Variants in TRPC7 observed in about 807,000 individuals in gnomAD.
TRPC7 encodes the protein short transient receptor potential channel 7.
TRPC7 carries 42 observed loss-of-function variants against 90.1 expected under a neutral mutation model. The observed-to-expected ratio is 0.47, with a 90% CI of 0.36 to 0.60. TRPC7 has a LOEUF of 0.60. Among genes scored for constraint, TRPC7 ranks in the 20% least tolerant of loss-of-function variants. The pLI is 0.00. For synonymous variants in TRPC7, 451 were observed against 436.3 expected (o/e 1.03, Z -0.42); for missense variants, 955 against 1,112.3 (o/e 0.86, Z 2.01).
chr5:136,364,483 G>T (rs1760663440), intron 1 of TRPC7, among the ~76,000 whole-genome samples: 1 of 152,038 alleles, frequency 6.6e-6, no homozygotes, highest in South Asian at 2.1e-4. Flanking sequence ...TCAGAAATAA[G>T]ACCCACCAGC....
chr5:136,239,694 A>C (rs1000957861), intron 7 of TRPC7, among the ~76,000 whole-genome samples: 1 of 152,212 alleles, frequency 6.6e-6, no homozygotes, highest in Admixed American at 6.5e-5. Context: ...TATTCCCTGC[A>C]TGCAGCAATG....
intron 4 of TRPC7, among the ~76,000 whole-genome samples, chr5:136,268,879 G>A (rs1757119017): frequency 6.6e-6 from 1 of 152,106 alleles, no homozygotes; most frequent in African/African-American, 2.4e-5. Flanking sequence ...CTTTGATAAA[G>A]GTCAAATGAG....
At chr5:136,228,583 G>A (rs1454280004) in intron 8 of TRPC7, among the ~76,000 whole-genome samples, 1 of 151,578 alleles carries the variant, frequency 6.6e-6, no homozygotes, top group Non-Finnish European at 1.5e-5. Flanking sequence ...GAGCAGGGCA[G>A]AGCTCTCTGC....
rs10573372 is a variant in TRPC7 at position 136,339,839 on chromosome 5, G to GCAACAACAACAA, written c.780+16757_780+16768dup. On this transcript the variant is annotated intron_variant, in intron 2 of 11. Coordinates refer to ENST00000513104, the MANE Select transcript of TRPC7 (RefSeq NM_020389.3). ...TGGTGATAATTAAACTCTCTCTACTGCAACAACAACAACAACAACAACAAC... is the reference window on the plus strand; with the variant it reads ...TGGTGATAATTAAACTCTCTCTACTGCAACAACAACAACAACAACAACAACAACAACAACAAC... Among the ~76,000 whole-genome samples, 367 of 138,216 alleles carry GCAACAACAACAA rather than the reference G, an allele frequency of 2.7e-3. 2 individuals are homozygous for GCAACAACAACAA. The highest frequency in any genetic ancestry group is 8.6e-3 in the African/African-American group (346 of 40,188). 90.7% of individuals were successfully genotyped at this position (138,216 alleles called of 152,430 possible).
At chr5:136,307,187 C>T (rs995550262) in intron 3 of TRPC7, among the ~76,000 whole-genome samples, 3 of 152,158 alleles carry the variant, frequency 2.0e-5, no homozygotes, top group African/African-American at 7.2e-5. Context: ...ATATATAATA[C>T]ATTTTTATTT....
At chr5:136,290,265 A>T (rs1349685640) in intron 3 of TRPC7, among the ~76,000 whole-genome samples, 1 of 152,244 alleles carries the variant, frequency 6.6e-6, no homozygotes, top group Non-Finnish European at 1.5e-5. Flanking sequence ...GCAGCTCCTC[A>T]CCAGCAGCAG....
chr5:136,347,327 C>T (rs1454412286), intron 2 of TRPC7, among the ~76,000 whole-genome samples: 5 of 152,146 alleles, frequency 3.3e-5, no homozygotes, highest in Non-Finnish European at 7.3e-5. Flanking sequence ...GCCTTGATTG[C>T]ACCCAGTCTC....
chr5:136,322,551 AT>A (rs1361887497), intron 2 of TRPC7, among the ~76,000 whole-genome samples: 4 of 151,840 alleles, frequency 2.6e-5, no homozygotes, highest in Admixed American at 1.3e-4. Flanking sequence ...TTTTATTTTC[AT>A]TTTTAGAGTT....
At chr5:136,363,795 A>G (rs1452598478) in intron 1 of TRPC7, among the ~76,000 whole-genome samples, 13 of 152,154 alleles carry the variant, frequency 8.5e-5, no homozygotes, top group Non-Finnish European at 1.8e-4. Context: ...CTATCCAAAT[A>G]TAACTAGTGC....
At chr5:136,282,196 C>T (rs943501618) in intron 3 of TRPC7, among the ~76,000 whole-genome samples, 1 of 152,048 alleles carries the variant, frequency 6.6e-6, no homozygotes, top group African/African-American at 2.4e-5. Flanking sequence ...AATTGTCATC[C>T]TAGGTTGATG....
intron 5 of TRPC7, among the ~76,000 whole-genome samples, chr5:136,257,076 G>A (rs935345788): frequency 2.0e-4 from 30 of 152,128 alleles, no homozygotes; most frequent in Non-Finnish European, 3.7e-4. Context: ...GTGATGAGCT[G>A]ATCAGTTTTA....
chr5:136,313,676 T>C (rs1758916579), intron 3 of TRPC7, among the ~76,000 whole-genome samples: 1 of 152,212 alleles, frequency 6.6e-6, no homozygotes, highest in South Asian at 2.1e-4. Context: ...AGAAAATGTA[T>C]CCCTTGAAGG....
chr5:136,226,304 C>A (rs529754841), intron 8 of TRPC7, 49 bp from the exon 9 acceptor site: 1 of 1,354,890 alleles, frequency 7.4e-7, no homozygotes, highest in East Asian at 2.5e-5. Flanking sequence ...CACGATTTAA[C>A]AACGGAGCCC....
At chr5:136,277,854 A>G (rs1580892006) in intron 3 of TRPC7, among the ~76,000 whole-genome samples, 2 of 152,356 alleles carry the variant, frequency 1.3e-5, no homozygotes, top group Middle Eastern at 6.8e-3. Flanking sequence ...AACATGGCAC[A>G]CTTTTAGGAA....
In TRPC7 at chr5:136,226,323, G is replaced by A; in HGVS notation, c.2041-68C>T. Reference sequence around the variant, plus strand: ...ATTTAACAACGGAGCCCAACCTGAGGAGCAGAGACACAGCCCCAACATTCG... The same window carrying A: ...ATTTAACAACGGAGCCCAACCTGAGAAGCAGAGACACAGCCCCAACATTCG... On this transcript the variant is annotated intron_variant, in intron 8 of 11. Transcript: ENST00000513104. 3 of 1,158,780 alleles carry A rather than the reference G, an allele frequency of 2.6e-6. No individual in the cohort carries two copies. The South Asian group carries it at 4.2e-5, about 16-fold the overall frequency. 71.8% of individuals were successfully genotyped at this position (1,158,780 alleles called of 1,614,324 possible).
At chr5:136,217,375 A>G (rs999732819) in intron 10 of TRPC7, among the ~76,000 whole-genome samples, 2 of 152,230 alleles carry the variant, frequency 1.3e-5, no homozygotes, top group Admixed American at 6.5e-5. Context: ...ATTATCATCA[A>G]TTATGGTTCT....
At chr5:136,319,895 CTG>C (rs61100173) in intron 2 of TRPC7, among the ~76,000 whole-genome samples, 30,310 of 152,032 alleles carry the variant, frequency 0.2, 4,313 homozygotes, top group African/African-American at 0.39. Context: ...ATTCCCCAAA[CTG>C]TGTCCAGCCA....
At chr5:136,215,990 C>A (rs561147442) in intron 11 of TRPC7, among the ~76,000 whole-genome samples, 27 of 152,230 alleles carry the variant, frequency 1.8e-4, no homozygotes, top group African/African-American at 6.5e-4. Flanking sequence ...CTCAGGGCAG[C>A]CCAGCTGTGG....
At chr5:136,283,983 C>A (rs1294165667) in intron 3 of TRPC7, among the ~76,000 whole-genome samples, 3 of 152,220 alleles carry the variant, frequency 2.0e-5, no homozygotes, top group Admixed American at 2.0e-4. Context: ...ACCCTGCCCA[C>A]TCCTACCCTC....
Sources: gnomAD v4.1 joint callset for allele counts (sites outside exome capture counted in the v4.1 genomes callset) on GRCh38, gnomAD v4.1.1 for gene constraint, MANE v1.5 for transcripts, NCBI Gene and HGNC (gene_info 2026-07-23, HGNC 2026-07-21) for gene names.